Variants in TRAP1 observed in about 807,000 individuals in gnomAD.
TRAP1 encodes TNF receptor associated protein 1.
TRAP1 carries 102 observed loss-of-function variants against 89.1 expected under a neutral mutation model. The observed-to-expected ratio is 1.15, with a 90% CI of 0.98 to 1.35. The LOEUF (loss-of-function observed/expected upper bound fraction) is 1.35, where lower values mean the gene tolerates loss of function less well. TRAP1 is among the 40% of genes most tolerant of loss of function. TRAP1 has a pLI of 0.00. For missense variants in TRAP1, 1,256 were observed against 945.3 expected (o/e 1.33, Z -4.31); for synonymous variants, 508 against 388.0 (o/e 1.31, Z -3.64).
chr16:3,707,322 A>G (rs1449767893), intron 1 of TRAP1, among the ~76,000 whole-genome samples: 1 of 149,950 alleles, frequency 6.7e-6, no homozygotes, highest in African/African-American at 2.5e-5. Flanking sequence ...AGTAGCTGGG[A>G]CTACAGGCGC....
intron 5 of TRAP1, among the ~76,000 whole-genome samples, chr16:3,679,145 G>C (rs995486573): frequency 1.3e-5 from 2 of 152,000 alleles, no homozygotes; most frequent in Non-Finnish European, 2.9e-5. Flanking sequence ...CAAAAAATTG[G>C]CCAGGCGTGG....
intron 8 of TRAP1, chr16:3,674,780 G>T (rs1023425641): frequency 2.1e-6 from 1 of 486,718 alleles, no homozygotes; most frequent in Non-Finnish European, 3.8e-6. Flanking sequence ...CCCAGCAGGG[G>T]CGAGCTGACG....
In TRAP1 at chr16:3,682,848, G is replaced by C. The variant is rs145418550; in HGVS notation, c.472-3058C>G. ...GCACCCCAACCTGGAGACGGAAGAA[G>C]ATCCTGACTCTAAACAAACATAAAA... On this transcript the variant is annotated intron_variant, in intron 4 of 17. Transcript: ENST00000246957. 3.9e-3 allele frequency among the ~76,000 whole-genome samples: 587 copies of C among 152,164 alleles called. 3 individuals are homozygous for C. Among genetic ancestry groups the C allele is most frequent in the African/African-American group, 0.013 (559 of 41,528 alleles).
At chr16:3,678,750 C>T (rs931139272) in intron 5 of TRAP1, among the ~76,000 whole-genome samples, 27 of 152,160 alleles carry the variant, frequency 1.8e-4, no homozygotes, top group Non-Finnish European at 3.8e-4. Flanking sequence ...CGTGAGCCAC[C>T]GCACCCGACC....
intron 9 of TRAP1, 118 bp downstream of exon 9, chr16:3,674,221 C>T: frequency 7.2e-7 from 1 of 1,379,468 alleles, no homozygotes; most frequent in South Asian, 1.4e-5. Context: ...ACACCCAGCA[C>T]TACCTATGTT....
At chr16:3,673,548 T>C (rs1178386605) in intron 9 of TRAP1, among the ~76,000 whole-genome samples, 1 of 151,824 alleles carries the variant, frequency 6.6e-6, no homozygotes, top group Admixed American at 6.6e-5. Context: ...GGCGACCTGG[T>C]TAAAATGGGG....
At chr16:3,677,780 A>AC in intron 5 of TRAP1, 122 bp from the exon 6 acceptor site, 1 of 1,166,244 alleles carries the variant, frequency 8.6e-7, no homozygotes, top group Non-Finnish European at 1.2e-6. Context: ...CACACCGAGT[A>AC]CTTTTCCACC....
intron 1 of TRAP1, among the ~76,000 whole-genome samples, chr16:3,712,355 G>T (rs988823737): frequency 1.1e-4 from 16 of 141,860 alleles, no homozygotes; most frequent in Non-Finnish European, 2.0e-4. Context: ...AAGTATCACA[G>T]GCCTCAGTAA....
intron 4 of TRAP1, among the ~76,000 whole-genome samples, chr16:3,685,474 G>C (rs898457731): frequency 5.3e-5 from 8 of 151,996 alleles, no homozygotes; most frequent in African/African-American, 1.9e-4. Context: ...TCTCCACAGA[G>C]ACAGACACCC....
At chr16:3,675,037 G>C in intron 8 of TRAP1, 1 of 441,040 alleles carries the variant, frequency 2.3e-6, no homozygotes, top group African/African-American at 2.0e-5. Context: ...GCACAGCTCT[G>C]TGGCTGCACT....
chr16:3,665,941 A>T (rs1567225834), intron 12 of TRAP1, 30 bp downstream of exon 12: 6 of 1,597,890 alleles, frequency 3.8e-6, no homozygotes, highest in Non-Finnish European at 5.1e-6. Context: ...AAGGTGGCCC[A>T]GAAAAAGGCC....
At chr16:3,679,058 C>CTACA (rs2151259709) in intron 5 of TRAP1, among the ~76,000 whole-genome samples, 1 of 152,240 alleles carries the variant, frequency 6.6e-6, no homozygotes, top group African/African-American at 2.4e-5. Context: ...TGACGTGCAC[C>CTACA]TGTAGTCACG....
chr16:3,672,935 C>G (rs1596710520), intron 9 of TRAP1, 115 bp from the exon 10 acceptor site: 5 of 1,413,564 alleles, frequency 3.5e-6, no homozygotes, highest in South Asian at 2.9e-5. Flanking sequence ...TCGCCCTCCC[C>G]CAGCGTCTGC....
intron 17 of TRAP1, 25 bp from the exon 18 acceptor site, chr16:3,658,255 TTATGAGGGGCATGG>T (rs1567215284): frequency 1.3e-6 from 2 of 1,580,236 alleles, no homozygotes; most frequent in Non-Finnish European, 1.7e-6. Context: ...GAGAAACCCA[TTATGAGGGGCATGG>T]GGCACCTTTT....
Position 3,662,978 on chromosome 16 carries a change from G to C in TRAP1, c.1709-11C>G, listed in dbSNP as rs373961891. 3.8e-6 allele frequency: 6 copies of C among 1,597,458 alleles called. No homozygotes were observed. Among genetic ancestry groups the C allele is most frequent in the Non-Finnish European group, 5.1e-6 (6 of 1,175,822 alleles). On this transcript the variant is annotated splice_polypyrimidine_tract_variant and intron_variant, in intron 14 of 17. Transcript: ENST00000246957. Reference sequence around the variant, plus strand: ...ATAGGCACTCGGCGGCTGCGGAAGAGCAGGCGACAGGGAGCTCAGGCCTGC... The same window carrying C: ...ATAGGCACTCGGCGGCTGCGGAAGACCAGGCGACAGGGAGCTCAGGCCTGC...
chr16:3,707,184 C>CTTTTTTT, intron 1 of TRAP1, among the ~76,000 whole-genome samples: 1 of 130,042 alleles, frequency 7.7e-6, no homozygotes, highest in Non-Finnish European at 1.7e-5. Flanking sequence ...AAGAGGAAAT[C>CTTTTTTT]TTTTTTTTTT....
intron 5 of TRAP1, among the ~76,000 whole-genome samples, chr16:3,679,504 C>A (rs1050359154): frequency 2.0e-5 from 3 of 152,106 alleles, no homozygotes; most frequent in African/African-American, 7.2e-5. Context: ...CTTTGCTATC[C>A]AAGGGGGGTC....
intron 4 of TRAP1, among the ~76,000 whole-genome samples, chr16:3,683,751 A>T (rs952432797): frequency 2.0e-5 from 3 of 151,424 alleles, no homozygotes; most frequent in African/African-American, 4.9e-5. Context: ...TATCTTTAAA[A>T]TTTTTCTGAA....
At position 3,691,121 on chromosome 16, in the gene TRAP1, C is replaced by T. The variant is rs8054755; in HGVS notation, c.89-136G>A. On this transcript the variant is annotated intron_variant, in intron 1 of 17. Coordinates refer to ENST00000246957, the MANE Select transcript of TRAP1 (RefSeq NM_016292.3). ...TCGGGCTGTTGCTGAAAGAGAAATC[C>T]ACAGGACCAAATGCCACAGTGTCAG... The T allele has an allele frequency of 0.03, 23,498 of 790,040 alleles. 469 individuals carry two copies. Among genetic ancestry groups the T allele is most frequent in the Non-Finnish European group, 0.035 (19,382 of 552,490 alleles). 48.9% of individuals were successfully genotyped at this position (790,040 alleles called of 1,614,324 possible). A position where few individuals can be genotyped will look rare whatever the true frequency, so the allele number is the denominator to read the frequency against.
Sources: allele counts gnomAD v4.1 joint callset (sites outside exome capture counted in the v4.1 genomes callset), GRCh38; gene constraint gnomAD v4.1.1; transcripts MANE v1.5; gene names NCBI Gene and HGNC (gene_info 2026-07-23, HGNC 2026-07-21).